The following PDE5A variants were observed in gnomAD, a reference collection of about 807,000 sequenced individuals.
PDE5A encodes the protein phosphodiesterase 5A.
PDE5A carries 67 observed loss-of-function variants against 110.2 expected under a neutral mutation model. The observed-to-expected ratio is 0.61, with a 90% CI of 0.50 to 0.75. The LOEUF (loss-of-function observed/expected upper bound fraction) is 0.75. Among genes scored for constraint, PDE5A ranks in the 30% least tolerant of loss-of-function variants. The pLI is 0.00. For synonymous variants in PDE5A, 328 were observed against 351.2 expected, an observed-to-expected ratio of 0.93 and a Z score of 0.74; for missense variants, 862 against 1,045.1, an observed-to-expected ratio of 0.82 and a Z score of 2.42.
In PDE5A at chr4:119,497,922, A is replaced by T. The variant is rs1416655752; in HGVS notation, c.*679T>A. On this transcript the variant is annotated 3_prime_UTR_variant, in exon 21 of 21. Coordinates refer to ENST00000354960, the MANE Select transcript of PDE5A (RefSeq NM_001083.4). ...GCATCAGGTAGGTGAGATGAAAGTG[A>T]TTTTATGGGTAGCTTTCAGAAAAAT... is the stretch of plus-strand genomic sequence containing the variant. 6.6e-6 allele frequency: 1 copy of T among 152,196 alleles called. No homozygotes were observed. Among genetic ancestry groups the T allele is most frequent in the Non-Finnish European group, 1.5e-5 (1 of 68,040 alleles). The allele number at this position is 152,196 out of a possible 1,614,324, so 9.4% of individuals were successfully genotyped here.
At chr4:119,567,278 C>G (rs777106868) in intron 3 of PDE5A, 134 bp from the exon 4 acceptor site, 20 of 610,354 alleles carry the variant, frequency 3.3e-5, no homozygotes, top group Middle Eastern at 2.9e-4. Context: ...AAAGCAAAAC[C>G]CCTCATCAGC....
intron 14 of PDE5A, among the ~76,000 whole-genome samples, chr4:119,514,496 C>A (rs560191484): frequency 1.4e-5 from 2 of 145,346 alleles, no homozygotes; most frequent in South Asian, 4.3e-4. Context: ...TTTTTTTTGC[C>A]TTCTCATTGT....
rs200434730 is a variant in PDE5A, at chr4:119,498,310, T to C, written c.*291A>G. On this transcript the variant is annotated 3_prime_UTR_variant, in exon 21 of 21. Coordinates refer to ENST00000354960, the MANE Select transcript of PDE5A (RefSeq NM_001083.4). ...CAAAAAAACCTCAGTGCAAGAATACTGCATACACTTTGCAGTACACGAAAT... is the reference window on the plus strand; with the variant it reads ...CAAAAAAACCTCAGTGCAAGAATACCGCATACACTTTGCAGTACACGAAAT... The C allele has an allele frequency of 4.1e-5, 11 of 270,394 alleles. No homozygotes were observed. In the South Asian group the frequency reaches 5.1e-4, roughly 12 times the overall value. 16.7% of individuals were successfully genotyped at this position (270,394 alleles called of 1,614,324 possible).
intron 2 of PDE5A, among the ~76,000 whole-genome samples, chr4:119,599,492 A>C (rs1729265962): frequency 6.6e-6 from 1 of 152,072 alleles, no homozygotes; most frequent in Non-Finnish European, 1.5e-5. Context: ...GAAAGAAAAA[A>C]CTATTAAAAT....
intron 3 of PDE5A, 149 bp downstream of exon 3, chr4:119,596,374 T>C (rs537995372): frequency 5.9e-5 from 27 of 453,972 alleles, no homozygotes; most frequent in East Asian, 3.5e-4. Context: ...AAAATCTAAA[T>C]AGAAAAAAAA....
chr4:119,499,749 G>A (rs920918191), intron 20 of PDE5A: 1 of 152,192 alleles, frequency 6.6e-6, no homozygotes, highest in Admixed American at 6.5e-5. Flanking sequence ...TAGGGATGGG[G>A]TTTCACCATG....
intron 4 of PDE5A, 114 bp downstream of exon 4, chr4:119,566,959 T>A: frequency 1.3e-6 from 1 of 741,462 alleles, no homozygotes. Flanking sequence ...CATTTTTAAC[T>A]CTAATTTTTT....
chr4:119,523,772 A>G (rs1726211378), intron 12 of PDE5A, among the ~76,000 whole-genome samples: 1 of 152,126 alleles, frequency 6.6e-6, no homozygotes. Context: ...TAAAAGTACA[A>G]GAATCACATT....
At chr4:119,614,864 A>T (rs946937879) in intron 1 of PDE5A, among the ~76,000 whole-genome samples, 1 of 152,132 alleles carries the variant, frequency 6.6e-6, no homozygotes, top group Non-Finnish European at 1.5e-5. Context: ...ACTAGCACTA[A>T]GCAATTTTCT....
chr4:119,628,451 G>T, intron 1 of PDE5A, 69 bp downstream of exon 1: 3 of 1,327,944 alleles, frequency 2.3e-6, no homozygotes, highest in East Asian at 2.3e-5. Flanking sequence ...GGGAACAGGG[G>T]TGAACGAAGG....
At chr4:119,505,253 G>C (rs1178715296) in intron 17 of PDE5A, among the ~76,000 whole-genome samples, 1 of 151,880 alleles carries the variant, frequency 6.6e-6, no homozygotes, top group African/African-American at 2.4e-5. Flanking sequence ...TAAGTCTGTA[G>C]AGTAGATCCA....
At chr4:119,567,959 T>G (rs755620615) in intron 3 of PDE5A, among the ~76,000 whole-genome samples, 1 of 152,182 alleles carries the variant, frequency 6.6e-6, no homozygotes, top group African/African-American at 2.4e-5. Flanking sequence ...CTGGCTATAC[T>G]TCAGAAATAT....
At chr4:119,593,286 A>G (rs1729043007) in intron 3 of PDE5A, among the ~76,000 whole-genome samples, 2 of 152,262 alleles carry the variant, frequency 1.3e-5, no homozygotes, top group Non-Finnish European at 2.9e-5. Flanking sequence ...ACACACTGAC[A>G]GCAGCTTTGT....
At chr4:119,535,082 G>T (rs1321566923) in intron 11 of PDE5A, among the ~76,000 whole-genome samples, 4 of 152,160 alleles carry the variant, frequency 2.6e-5, no homozygotes, top group African/African-American at 9.7e-5. Flanking sequence ...CTGACCCACA[G>T]ACCCTGACAG....
In PDE5A at chr4:119,616,733, G is replaced by A. The variant is rs537534216; in HGVS notation, c.153-9436C>T. 3.8e-3 allele frequency among the ~76,000 whole-genome samples: 220 copies of A among 58,320 alleles called. 1 individual carries two copies. The highest frequency in any genetic ancestry group is 0.013 in the African/African-American group (213 of 16,606). The allele number at this position is 58,320 out of a possible 152,430, so 38.3% of individuals were successfully genotyped here. ...TACAAAGGGATGAACAAATTCATTC[G>A]TGAATGATAAAAAAAAAAAAGGAAT... is the stretch of plus-strand genomic sequence containing the variant. On this transcript the variant is annotated intron_variant, in intron 1 of 20. Coordinates refer to ENST00000354960, the MANE Select transcript of PDE5A (RefSeq NM_001083.4).
intron 13 of PDE5A, 145 bp from the exon 14 acceptor site, chr4:119,519,284 A>G (rs1362040057): frequency 3.4e-6 from 2 of 580,820 alleles, no homozygotes; most frequent in Non-Finnish European, 6.2e-6. Flanking sequence ...TAACCCTAGA[A>G]TCCTATTCTT....
intron 1 of PDE5A, among the ~76,000 whole-genome samples, chr4:119,626,427 G>A (rs1341866066): frequency 6.6e-6 from 1 of 152,156 alleles, no homozygotes; most frequent in Non-Finnish European, 1.5e-5. Flanking sequence ...AATAGGGAAC[G>A]AAGAAAGGAC....
At chr4:119,558,152 C>G (rs1049814121) in intron 7 of PDE5A, among the ~76,000 whole-genome samples, 1 of 152,168 alleles carries the variant, frequency 6.6e-6, no homozygotes, top group African/African-American at 2.4e-5. Context: ...AAACTTCCCA[C>G]CATGTGGAAA....
At chr4:119,585,550 T>A (rs1285521021) in intron 3 of PDE5A, among the ~76,000 whole-genome samples, 1 of 151,896 alleles carries the variant, frequency 6.6e-6, no homozygotes, top group South Asian at 2.1e-4. Context: ...ATGAGCAGAG[T>A]TCCTCTTTTA....
Sources: allele counts gnomAD v4.1 joint callset (sites outside exome capture counted in the v4.1 genomes callset), GRCh38; gene constraint gnomAD v4.1.1; transcripts MANE v1.5; gene names NCBI Gene and HGNC (gene_info 2026-07-23, HGNC 2026-07-21).